Variants in XPO4 observed in about 807,000 individuals in gnomAD.
The protein encoded by XPO4 is exportin-4.
XPO4 carries 39 observed loss-of-function variants against 143.0 expected under a neutral mutation model. That is an observed-to-expected ratio of 0.27 (90% CI 0.21 to 0.36). The LOEUF (loss-of-function observed/expected upper bound fraction) is 0.36, where lower values mean the gene tolerates loss of function less well. Ranked by LOEUF, XPO4 falls within the 10% of genes least tolerant of loss-of-function variation. The pLI is 1.00. For missense variants in XPO4, 907 were observed against 1,348.0 expected (o/e 0.67, Z 5.12); for synonymous variants, 439 against 474.0 (o/e 0.93, Z 0.96).
chr13:20,797,160 G>T (rs141731053), intron 16 of XPO4, 103 bp from the exon 17 acceptor site: 2 of 1,130,650 alleles, frequency 1.8e-6, no homozygotes, highest in Non-Finnish European at 2.4e-6. Flanking sequence ...ATTGTTGGAG[G>T]CAGGACAAGC....
At chr13:20,852,188 A>T in intron 4 of XPO4, 1 of 985,416 alleles carries the variant, frequency 1.0e-6, no homozygotes. Context: ...AAATAGATAG[A>T]TCTCAGAGTT....
In XPO4 at chr13:20,809,773, AT is replaced by A; in HGVS notation, c.1350+17del. The A allele has an allele frequency of 7.6e-6, 12 of 1,587,652 alleles. No homozygotes were observed. Among genetic ancestry groups the A allele is most frequent in the Non-Finnish European group, 1.0e-5 (12 of 1,167,704 alleles). ...ATGATGAAATAGACTGTTAATTACC[AT>A]CTTGCTTAAAACTCACCAAATTTCT... On this transcript the variant is annotated intron_variant, in intron 10 of 22. Transcript: ENST00000255305.
intron 11 of XPO4, 138 bp downstream of exon 11, chr13:20,808,945 G>GTATGT: frequency 1.0e-6 from 1 of 983,796 alleles, no homozygotes; most frequent in South Asian, 1.7e-5. Context: ...GCAATCATGA[G>GTATGT]TATGTTTCTG....
intron 19 of XPO4, among the ~76,000 whole-genome samples, chr13:20,789,223 CAT>C (rs2059244628): frequency 6.6e-6 from 1 of 152,180 alleles, no homozygotes. Flanking sequence ...TAAACTTCCT[CAT>C]CCTGCTGGCT....
chr13:20,830,200 TTTTAAGA>T (rs1032875228), intron 6 of XPO4, among the ~76,000 whole-genome samples: 2 of 152,168 alleles, frequency 1.3e-5, no homozygotes, highest in African/African-American at 4.8e-5. Context: ...ACCAGAATAG[TTTTAAGA>T]TTATAATTCC....
At chr13:20,871,280 A>G (rs575548625) in intron 1 of XPO4, among the ~76,000 whole-genome samples, 1 of 152,294 alleles carries the variant, frequency 6.6e-6, no homozygotes, top group South Asian at 2.1e-4. Context: ...TCGGCCTCCC[A>G]AAGTGCTGGG....
chr13:20,884,778 C>G (rs776143313), intron 1 of XPO4, among the ~76,000 whole-genome samples: 1 of 152,034 alleles, frequency 6.6e-6, no homozygotes, highest in African/African-American at 2.4e-5. Context: ...TGAGCCCAAA[C>G]GTTTGAAGCT....
chr13:20,802,962 TTAG>T (rs1439944797), intron 13 of XPO4, among the ~76,000 whole-genome samples: 1 of 152,210 alleles, frequency 6.6e-6, no homozygotes, highest in Non-Finnish European at 1.5e-5. Flanking sequence ...TGTGATTAAC[TTAG>T]TAGGGTTCTT....
rs374455462 is a variant in XPO4 at position 20,827,110 on chromosome 13, C to T, written c.797G>A (p.Arg266Gln). Residue 266 changes from arginine to glutamine, a missense_variant, in exon 7 of 23, where the codon CGG (arginine) becomes CAG (glutamine). By Grantham distance (43) the Arg-to-Gln change is conservative. Transcript: ENST00000255305. ...NVLLKPTESW[R>Q]ETLLDSRVME... is the part of the protein sequence containing the mutation. The stretch of plus-strand genomic sequence containing the variant: ...AACTCTGCTGTCCAGAAGAGTCTCC[C>T]GCCAGGACTCTGTTGGCTTCAACAG... 17 of 1,613,850 alleles carry T rather than the reference C, an allele frequency of 1.1e-5. No individual in the cohort carries two copies. Among genetic ancestry groups the T allele is most frequent in the African/African-American group, 5.3e-5 (4 of 74,910 alleles).
intron 1 of XPO4, among the ~76,000 whole-genome samples, chr13:20,886,290 TG>T (rs1195309949): frequency 8.3e-6 from 1 of 120,706 alleles, no homozygotes; most frequent in African/African-American, 2.9e-5. Flanking sequence ...AATTCAAGGA[TG>T]AAAAAAAATC....
At position 20,821,827 on chromosome 13, in the gene XPO4, G is replaced by C; in HGVS notation, c.1050C>G (p.Asn350Lys). Residue 350 changes from asparagine to lysine, a missense_variant, in exon 9 of 23, where the codon AAC becomes AAG. By Grantham distance (94) the Asn-to-Lys change is moderately conservative (BLOSUM62 0). Transcript: ENST00000255305. Reference sequence around the variant, plus strand: ...CATTTCGTGGGAACACGGTTATCAGGTTGCTGATAATGCTGGAGATCCCCA... The same window carrying C: ...CATTTCGTGGGAACACGGTTATCAGCTTGCTGATAATGCTGGAGATCCCCA... Reference protein sequence around the residue: ...EAVGISSIISNLITVFPRNVL... With the variant: ...EAVGISSIISKLITVFPRNVL... The C allele has an allele frequency of 6.2e-7, 1 of 1,614,024 alleles. No individual in the cohort carries two copies. Among genetic ancestry groups the C allele is most frequent in the Non-Finnish European group, 8.5e-7 (1 of 1,179,926 alleles).
chr13:20,834,523 T>C (rs1275686600), intron 6 of XPO4, among the ~76,000 whole-genome samples: 2 of 150,806 alleles, frequency 1.3e-5, no homozygotes, highest in Non-Finnish European at 2.9e-5. Context: ...CCAAGAGCCA[T>C]GATTACACCC....
chr13:20,881,077 T>C (rs1361041084), intron 1 of XPO4, among the ~76,000 whole-genome samples: 1 of 152,146 alleles, frequency 6.6e-6, no homozygotes, highest in Non-Finnish European at 1.5e-5. Flanking sequence ...TGATCTCACT[T>C]ATATAAGGTA....
intron 9 of XPO4, among the ~76,000 whole-genome samples, chr13:20,816,614 T>C (rs1440708828): frequency 1.3e-5 from 2 of 152,188 alleles, no homozygotes; most frequent in Non-Finnish European, 2.9e-5. Context: ...TATGGAACAA[T>C]AGTTATAACA....
Position 20,844,619 on chromosome 13 carries a change from T to C in XPO4, c.457-733A>G, listed in dbSNP as rs1038585304. 4.6e-5 allele frequency among the ~76,000 whole-genome samples: 7 copies of C among 152,226 alleles called. No individual in the cohort carries two copies. The East Asian group carries it at 1.2e-3, about 25-fold the overall frequency. On this transcript the variant is annotated intron_variant, in intron 4 of 22. Coordinates refer to ENST00000255305, the MANE Select transcript of XPO4 (RefSeq NM_022459.5). ...AAGATTAAAGTCAAGATGATACTATTTATGCAAGCTTATCCAACAGCTGAA... is the reference window on the plus strand; with the variant it reads ...AAGATTAAAGTCAAGATGATACTATCTATGCAAGCTTATCCAACAGCTGAA...
At chr13:20,870,508 T>C (rs1303110556) in intron 1 of XPO4, among the ~76,000 whole-genome samples, 2 of 151,958 alleles carry the variant, frequency 1.3e-5, no homozygotes, top group African/African-American at 4.8e-5. Context: ...CCCAACACTT[T>C]GGGAGATCAA....
At position 20,808,618 on chromosome 13, in the gene XPO4, A is replaced by G. The variant is rs773208107; in HGVS notation, c.1494-37T>C. ...GAAAACAGTAGCTTCATAAAGTTCA[A>G]TAAGCAAAGACATGGAACAACTTAC... On this transcript the variant is annotated intron_variant, in intron 11 of 22. Coordinates refer to ENST00000255305, the MANE Select transcript of XPO4 (RefSeq NM_022459.5). The G allele has an allele frequency of 5.4e-6, 8 of 1,479,440 alleles. No homozygotes were observed. The African/African-American group carries it at 5.6e-5, about 10-fold the overall frequency. The allele number at this position is 1,479,440 out of a possible 1,614,324, so 91.6% of individuals were successfully genotyped here.
intron 1 of XPO4, among the ~76,000 whole-genome samples, chr13:20,872,880 G>A (rs2060313490): frequency 6.6e-6 from 1 of 152,080 alleles, no homozygotes; most frequent in African/African-American, 2.4e-5. Context: ...TTTTCCTCCA[G>A]GACCCAATAC....
chr13:20,847,832 G>A (rs919042361), intron 4 of XPO4, among the ~76,000 whole-genome samples: 3 of 152,132 alleles, frequency 2.0e-5, no homozygotes, highest in Non-Finnish European at 2.9e-5. Flanking sequence ...CAAATCTTAA[G>A]ACTTCTAAGA....
Sources: gnomAD v4.1 joint callset for allele counts (sites outside exome capture counted in the v4.1 genomes callset) on GRCh38, gnomAD v4.1.1 for gene constraint, MANE v1.5 for transcripts, NCBI Gene and HGNC (gene_info 2026-07-23, HGNC 2026-07-21) for gene names.